DDAH1: variants seen among roughly 807,000 people sequenced by gnomAD.
The protein encoded by DDAH1 is dimethylarginine dimethylaminohydrolase 1, also known as N(G),N(G)-dimethylarginine dimethylaminohydrolase 1.
Under a neutral mutation model 28.8 loss-of-function variants are expected in DDAH1, and 19 were observed. The ratio of observed to expected loss-of-function variants is 0.66; its 90% CI spans 0.46 to 0.97. The LOEUF is 0.97. DDAH1 is among the 50% of genes least tolerant of loss of function. DDAH1 has a pLI of 0.00. For missense variants in DDAH1, 326 were observed against 375.9 expected (o/e 0.87, Z 1.10); for synonymous variants, 153 against 154.4 (o/e 0.99, Z 0.07).
chr1:85,352,054 A>C (rs1649247058), intron 2 of DDAH1, among the ~76,000 whole-genome samples: 1 of 152,242 alleles, frequency 6.6e-6, no homozygotes. Context: ...ATTAAGTAAT[A>C]GCAATGACAA....
intron 2 of DDAH1, among the ~76,000 whole-genome samples, chr1:85,352,172 A>G (rs1649253600): frequency 6.6e-6 from 1 of 152,142 alleles, no homozygotes; most frequent in African/African-American, 2.4e-5. Flanking sequence ...GAGTTTGTAC[A>G]TTCTCTCTAG....
At chr1:85,513,081 C>A (rs1351934195) in intron 1 of DDAH1, among the ~76,000 whole-genome samples, 1 of 152,124 alleles carries the variant, frequency 6.6e-6, no homozygotes, top group Non-Finnish European at 1.5e-5. Context: ...GGAGGCATCA[C>A]GCTACCTGAC....
intron 1 of DDAH1, among the ~76,000 whole-genome samples, chr1:85,444,759 G>A (rs1654356945): frequency 6.6e-6 from 1 of 152,244 alleles, no homozygotes; most frequent in South Asian, 2.1e-4. Context: ...GTTCATAGAT[G>A]TGTGAGTAAC....
intron 1 of DDAH1, among the ~76,000 whole-genome samples, chr1:85,449,134 G>A (rs923083481): frequency 5.9e-5 from 9 of 152,162 alleles, no homozygotes; most frequent in South Asian, 2.1e-4. Context: ...GGATGGTTCC[G>A]ACTCTGGGCA....
chr1:85,335,388 T>A lies in DDAH1; in HGVS notation c.598-10505A>T, dbSNP rs535233001. ...TGAAGGTTATTAAAAAATATTTTTT[T>A]AAAACCCATGACCTAACTATATGCT... On this transcript the variant is annotated intron_variant, in intron 4 of 5. Transcript: ENST00000284031. Among the ~76,000 whole-genome samples, 8 of 152,262 alleles carry A rather than the reference T, an allele frequency of 5.3e-5. No homozygotes were observed. In the East Asian group the frequency reaches 1.4e-3, roughly 26 times the overall value.
chr1:85,556,467 T>G (rs954794065), intron 1 of DDAH1, among the ~76,000 whole-genome samples: 1 of 152,168 alleles, frequency 6.6e-6, no homozygotes, highest in Non-Finnish European at 1.5e-5. Context: ...GTCATCTGTA[T>G]TTTTAGTCAT....
At chr1:85,355,731 A>C (rs1469237099) in intron 2 of DDAH1, among the ~76,000 whole-genome samples, 1 of 152,186 alleles carries the variant, frequency 6.6e-6, no homozygotes, top group African/African-American at 2.4e-5. Flanking sequence ...TAATCCACAA[A>C]AACTGGAAAA....
chr1:85,530,129 A>G (rs1376792160), intron 1 of DDAH1, among the ~76,000 whole-genome samples: 4 of 152,218 alleles, frequency 2.6e-5, no homozygotes, highest in African/African-American at 9.7e-5. Context: ...ACCTTTTGCA[A>G]CAAGTATTTC....
At chr1:85,501,523 G>A (rs1656818879) in intron 1 of DDAH1, among the ~76,000 whole-genome samples, 2 of 152,192 alleles carry the variant, frequency 1.3e-5, no homozygotes, top group South Asian at 2.1e-4. Context: ...CAGATTTCTG[G>A]ACCTGTTTCT....
At chr1:85,440,272 C>A (rs558083871) in intron 1 of DDAH1, among the ~76,000 whole-genome samples, 1 of 152,176 alleles carries the variant, frequency 6.6e-6, no homozygotes, top group African/African-American at 2.4e-5. Context: ...ATGCTTTTTC[C>A]CTTAAGGAAA....
At chr1:85,470,421 A>G (rs1018779793) in intron 2 of DDAH1, among the ~76,000 whole-genome samples, 1 of 152,238 alleles carries the variant, frequency 6.6e-6, no homozygotes, top group Non-Finnish European at 1.5e-5. Flanking sequence ...ATTATCTCCC[A>G]CTGGGTCCCT....
At position 85,342,186 on chromosome 1, in the gene DDAH1, C is replaced by CTAAG. The variant is rs1648532977; in HGVS notation, c.597+8225_597+8228dup. On this transcript the variant is annotated intron_variant, in intron 4 of 5. Transcript: ENST00000284031. ...AGAATGACAATCCATGAAATGGATT[C>CTAAG]TAAGTTCTCTGCTTTGTCCTCATGG... is the stretch of plus-strand genomic sequence containing the variant. Among the ~76,000 whole-genome samples, 4 of 152,276 alleles carry CTAAG rather than the reference C, an allele frequency of 2.6e-5. No homozygotes were observed. The South Asian group carries it at 6.2e-4, about 24-fold the overall frequency.
At chr1:85,351,742 T>C (rs1457966605) in intron 2 of DDAH1, among the ~76,000 whole-genome samples, 163 bp from the exon 3 acceptor site, 4 of 152,008 alleles carry the variant, frequency 2.6e-5, no homozygotes, top group African/African-American at 9.7e-5. Flanking sequence ...ACTACTGCCC[T>C]TAAGAATAAA....
chr1:85,349,383 C>A (rs375575561), intron 4 of DDAH1, among the ~76,000 whole-genome samples: 6 of 152,174 alleles, frequency 3.9e-5, no homozygotes, highest in African/African-American at 1.4e-4. Flanking sequence ...AGCCAAACCA[C>A]CACACTTGGC....
At chr1:85,551,223 G>A (rs1658778436) in intron 1 of DDAH1, among the ~76,000 whole-genome samples, 1 of 152,200 alleles carries the variant, frequency 6.6e-6, no homozygotes, top group Non-Finnish European at 1.5e-5. Flanking sequence ...AACCAGGCAG[G>A]GAATTGCTGG....
At chr1:85,501,848 G>A (rs1656833864) in intron 1 of DDAH1, among the ~76,000 whole-genome samples, 1 of 152,164 alleles carries the variant, frequency 6.6e-6, no homozygotes, top group African/African-American at 2.4e-5. Context: ...AGAAGCAGAA[G>A]TCCTTCACAC....
At chr1:85,406,233 A>G (rs1240413492) in intron 1 of DDAH1, among the ~76,000 whole-genome samples, 1 of 152,246 alleles carries the variant, frequency 6.6e-6, no homozygotes, top group Admixed American at 6.5e-5. Context: ...AATATTTGAT[A>G]CAGTCCTCAT....
upstream of DDAH1, among the ~76,000 whole-genome samples, chr1:85,465,566 T>C (rs1655346718): frequency 6.6e-6 from 1 of 152,194 alleles, no homozygotes. Flanking sequence ...TCTAGCCCAC[T>C]TTTGAAGAGC....
At chr1:85,525,187 A>G (rs1206250535) in intron 1 of DDAH1, among the ~76,000 whole-genome samples, 1 of 151,976 alleles carries the variant, frequency 6.6e-6, no homozygotes, top group Non-Finnish European at 1.5e-5. Flanking sequence ...CGAATTGACT[A>G]TTTGAGTGAA....
Sources: allele counts gnomAD v4.1 joint callset (sites outside exome capture counted in the v4.1 genomes callset), GRCh38; gene constraint gnomAD v4.1.1; transcripts MANE v1.5; gene names NCBI Gene and HGNC (gene_info 2026-07-23, HGNC 2026-07-21).